The following MCMBP variants were observed in gnomAD, a reference collection of about 807,000 sequenced individuals.
The protein encoded by MCMBP is minichromosome maintenance complex binding protein.
A neutral mutation model predicts 81.3 loss-of-function variants in MCMBP; 31 were observed. That is an observed-to-expected ratio of 0.38 (90% CI 0.29 to 0.51). The LOEUF (loss-of-function observed/expected upper bound fraction) is 0.51, where lower values mean the gene tolerates loss of function less well. Ranked by LOEUF, MCMBP falls within the 20% of genes least tolerant of loss-of-function variation. The pLI, the probability that MCMBP is intolerant of heterozygous loss-of-function variation, is 0.87. For missense variants in MCMBP, 645 were observed against 772.1 expected (o/e 0.84, Z 1.95); for synonymous variants, 267 against 275.9 (o/e 0.97, Z 0.32).
intron 1 of MCMBP, among the ~76,000 whole-genome samples, chr10:119,864,321 A>C (rs941344691): frequency 2.0e-5 from 3 of 152,248 alleles, no homozygotes; most frequent in Non-Finnish European, 4.4e-5. Context: ...AAGTCACTAC[A>C]TTTGTAATTT....
At chr10:119,850,885 T>C (rs1264144115) in intron 6 of MCMBP, among the ~76,000 whole-genome samples, 2 of 149,856 alleles carry the variant, frequency 1.3e-5, no homozygotes, top group African/African-American at 4.9e-5. Flanking sequence ...TTTTTTTTTT[T>C]TTTTTTTGAG....
At chr10:119,837,069 A>G (rs764515246) in intron 12 of MCMBP, 40 bp from the exon 13 acceptor site, 1 of 1,605,344 alleles carries the variant, frequency 6.2e-7, no homozygotes, top group South Asian at 1.1e-5. Flanking sequence ...TTTGACTTTA[A>G]TCATCTAAAC....
At position 119,832,098 on chromosome 10, in the gene MCMBP, T is replaced by C. The variant is rs1292479514; in HGVS notation, c.1710A>G (p.Ala570=). The change falls in exon 15 of 16, where the codon GCA becomes GCG. Residue 570 remains alanine (A), a splice_region_variant and synonymous_variant. Transcript: ENST00000369077. ...EYSISDEITK[A]VEDDFVEMRK... is the part of the protein sequence containing the mutation. Reference sequence around the variant, plus strand: ...GCATTTCCACAAAGTCATCTTCAACTGCCTTTATCAAAAGAGTAAATGTAA... The same window carrying C: ...GCATTTCCACAAAGTCATCTTCAACCGCCTTTATCAAAAGAGTAAATGTAA... 6.2e-7 allele frequency: 1 copy of C among 1,611,530 alleles called. No individual in the cohort carries two copies. The highest frequency in any genetic ancestry group is 1.3e-5 in the African/African-American group (1 of 74,856).
chr10:119,858,871 T>A lies in MCMBP; in HGVS notation c.327+13A>T, dbSNP rs770716016. On this transcript the variant is annotated intron_variant, in intron 4 of 15. Coordinates refer to ENST00000369077, the MANE Select transcript of MCMBP (RefSeq NM_001256378.2). ...CTTACTAAAAATGTTTCATATATATTAAAGATACATACCCCACACTCTGCT... is the reference window on the plus strand; with the variant it reads ...CTTACTAAAAATGTTTCATATATATAAAAGATACATACCCCACACTCTGCT... 1 of 1,581,002 alleles carries A rather than the reference T, an allele frequency of 6.3e-7. No homozygotes were observed. The highest frequency in any genetic ancestry group is 1.8e-5 in the Admixed American group (1 of 55,760).
chr10:119,862,112 G>A (rs1853278912), intron 1 of MCMBP, among the ~76,000 whole-genome samples: 1 of 152,170 alleles, frequency 6.6e-6, no homozygotes. Flanking sequence ...TTCGAGACAA[G>A]TCTGGTCAAT....
intron 8 of MCMBP, among the ~76,000 whole-genome samples, chr10:119,845,452 T>C (rs919450888): frequency 1.4e-4 from 22 of 152,206 alleles, no homozygotes; most frequent in African/African-American, 5.3e-4. Flanking sequence ...ATATACCATG[T>C]TACCTTTTAT....
rs73355867 is a variant in MCMBP, at chr10:119,831,695, A to G, written c.1797-95T>C. Reference sequence around the variant, plus strand: ...CTAGGAATACTTTGTGAAAACACAGAGCACGTTAGGAGACAAGACCGTATG... The same window carrying G: ...CTAGGAATACTTTGTGAAAACACAGGGCACGTTAGGAGACAAGACCGTATG... On this transcript the variant is annotated intron_variant, in intron 15 of 15. Coordinates refer to ENST00000369077, the MANE Select transcript of MCMBP (RefSeq NM_001256378.2). The G allele has an allele frequency of 1.3e-3, 1,827 of 1,413,070 alleles. 22 individuals carry two copies. The African/African-American group carries it at 0.023, about 18-fold the overall frequency. 87.5% of individuals were successfully genotyped at this position (1,413,070 alleles called of 1,614,324 possible).
chr10:119,857,131 T>G (rs1357603741), intron 5 of MCMBP, among the ~76,000 whole-genome samples: 1 of 149,618 alleles, frequency 6.7e-6, no homozygotes, highest in Non-Finnish European at 1.5e-5. Context: ...ATTACTTCAA[T>G]CATTTTAACA....
chr10:119,835,507 A>G (rs374693982), intron 14 of MCMBP, 33 bp downstream of exon 14: 61 of 1,579,416 alleles, frequency 3.9e-5, no homozygotes, highest in Non-Finnish European at 5.1e-5. Flanking sequence ...GCAATTCAAC[A>G]CAGGGAAATC....
At chr10:119,870,444 C>CA (rs34275612) in intron 1 of MCMBP, among the ~76,000 whole-genome samples, 8,099 of 135,118 alleles carry the variant, frequency 0.06, 342 homozygotes, top group South Asian at 0.21. Flanking sequence ...GAGACTGTCT[C>CA]AAAAAAAAAA....
intron 13 of MCMBP, 138 bp downstream of exon 13, chr10:119,836,757 GT>G (rs199759464): frequency 5.3e-4 from 158 of 296,880 alleles, no homozygotes; most frequent in African/African-American, 3.2e-3. Context: ...AGCAGTCACA[GT>G]TTTTTTTTTT....
intron 12 of MCMBP, among the ~76,000 whole-genome samples, chr10:119,838,308 A>G (rs541258648): frequency 2.0e-4 from 29 of 148,530 alleles, no homozygotes; most frequent in African/African-American, 7.1e-4. Flanking sequence ...TATATTATAT[A>G]AGATATATAT....
rs57266961 is a variant in MCMBP, at chr10:119,863,728, CAAAAAAAAAAAAAAAAAAAAAA to C, written c.59-3866_59-3845del. Among the ~76,000 whole-genome samples the C allele has an allele frequency of 1.6e-3, 32 of 20,204 alleles. 1 individual carries two copies. The highest frequency in any genetic ancestry group is 3.0e-3 in the East Asian group (2 of 662). 13.3% of individuals were successfully genotyped at this position (20,204 alleles called of 152,430 possible). On this transcript the variant is annotated intron_variant, in intron 1 of 15. Transcript: ENST00000369077. ...TGGGAGACAGAGTGAGGCTCAGACTCAAAAAAAAAAAAAAAAAAAAAAAAAAAAAAAAAAAAAAGCAACGAAG... is the reference window on the plus strand; with the variant it reads ...TGGGAGACAGAGTGAGGCTCAGACTCAAAAAAAAAAAAAAAAGCAACGAAG...
intron 8 of MCMBP, among the ~76,000 whole-genome samples, chr10:119,847,192 C>T (rs752749323): frequency 1.3e-5 from 2 of 152,018 alleles, no homozygotes; most frequent in Non-Finnish European, 2.9e-5. Context: ...AGAGAATGAG[C>T]GAGCTTCTGA....
intron 14 of MCMBP, among the ~76,000 whole-genome samples, chr10:119,834,116 C>G (rs1004402320): frequency 3.3e-5 from 5 of 152,116 alleles, no homozygotes; most frequent in Admixed American, 6.5e-5. Flanking sequence ...AATGCAACAT[C>G]AGATACACAG....
chr10:119,872,505 G>GC (rs1175554203), intron 1 of MCMBP, 22 bp downstream of exon 1: 12 of 996,578 alleles, frequency 1.2e-5, no homozygotes, highest in African/African-American at 8.6e-5. Context: ...CGCCCGGCCC[G>GC]CCCCCCGGCG....
chr10:119,831,293 A>T lies in MCMBP; in HGVS notation c.*181T>A. The T allele has an allele frequency of 2.2e-6, 1 of 463,252 alleles. No individual in the cohort carries two copies. Among genetic ancestry groups the T allele is most frequent in the Non-Finnish European group, 3.6e-6 (1 of 274,414 alleles). 28.7% of individuals were successfully genotyped at this position (463,252 alleles called of 1,614,324 possible). On this transcript the variant is annotated 3_prime_UTR_variant, in exon 16 of 16. Coordinates refer to ENST00000369077, the MANE Select transcript of MCMBP (RefSeq NM_001256378.2). ...CAAACTTCAAAAGCTCCATGAAATC[A>T]GTAAGGTAAAAGTCCTTACTGAATA...
At position 119,872,559 on chromosome 10, in the gene MCMBP, C is replaced by A; in HGVS notation, c.26G>T (p.Ser9Ile). 1 of 1,187,778 alleles carries A rather than the reference C, an allele frequency of 8.4e-7. No homozygotes were observed. The allele number at this position is 1,187,778 out of a possible 1,614,324, so 73.6% of individuals were successfully genotyped here. Residue 9 changes from serine (S) to isoleucine (I), a missense_variant, in exon 1 of 16, where the codon AGC becomes ATC. Physicochemically the swap from Ser to Ile is moderately radical, Grantham distance 142 (BLOSUM62 -2). Coordinates refer to ENST00000369077, the MANE Select transcript of MCMBP (RefSeq NM_001256378.2). ...TCCCTGCACGATTCCCAGCGGGTGG[C>A]TGAGCCAATCCTCCCCACACGGCAT... MPCGEDWLSHPLGIVQGFF... is the reference protein window; with the variant it reads MPCGEDWLIHPLGIVQGFF...
intron 13 of MCMBP, 49 bp downstream of exon 13, chr10:119,836,847 G>A (rs781540873): frequency 1.5e-6 from 2 of 1,293,158 alleles, no homozygotes; most frequent in Non-Finnish European, 2.1e-6. Flanking sequence ...AAAAATGTAG[G>A]TATTTTTCCA....
Sources: allele counts gnomAD v4.1 joint callset (sites outside exome capture counted in the v4.1 genomes callset), GRCh38; gene constraint gnomAD v4.1.1; transcripts MANE v1.5; gene names NCBI Gene and HGNC (gene_info 2026-07-23, HGNC 2026-07-21).